The following LCORL variants were observed in gnomAD, a reference collection of about 807,000 sequenced individuals.
LCORL encodes ligand dependent nuclear receptor corepressor like.
In LCORL, 41 loss-of-function variants were observed where a neutral mutation model predicts 141.8. That is an observed-to-expected ratio of 0.29 (90% CI 0.23 to 0.38). LCORL has a LOEUF of 0.38. Ranked by LOEUF, LCORL falls within the 10% of genes least tolerant of loss-of-function variation. The pLI, the probability that LCORL is intolerant of heterozygous loss-of-function variation, is 1.00. For missense variants in LCORL, 1,759 were observed against 2,035.0 expected (o/e 0.86, Z 2.61); for synonymous variants, 618 against 694.1 (o/e 0.89, Z 1.72).
chr4:17,946,764 T>G (rs1309313178), intron 4 of LCORL, among the ~76,000 whole-genome samples: 1 of 151,994 alleles, frequency 6.6e-6, no homozygotes, highest in African/African-American at 2.4e-5. Flanking sequence ...TACATCATTG[T>G]GTATTAGGAA....
At chr4:17,876,664 T>C (rs1230692105) in exon 7 of LCORL, 1 of 1,230,690 alleles carries the variant, frequency 8.1e-7, no homozygotes, top group East Asian at 3.2e-5. Context: ...GGAGGCACAA[T>C]ATTTCGTTTA....
intron 1 of LCORL, among the ~76,000 whole-genome samples, chr4:17,975,601 GGCC>G (rs1450924302): frequency 1.3e-5 from 2 of 152,028 alleles, no homozygotes; most frequent in African/African-American, 4.8e-5. Flanking sequence ...TCACCATGTT[GGCC>G]AGGCTGGTCT....
chr4:17,970,548 A>G (rs1446758581), intron 2 of LCORL, among the ~76,000 whole-genome samples: 4 of 152,200 alleles, frequency 2.6e-5, no homozygotes, highest in South Asian at 2.1e-4. Flanking sequence ...GAAATAGAAC[A>G]TAACAGCTGC....
At chr4:17,949,635 T>C (rs1035381086) in intron 4 of LCORL, among the ~76,000 whole-genome samples, 1 of 152,178 alleles carries the variant, frequency 6.6e-6, no homozygotes, top group Non-Finnish European at 1.5e-5. Flanking sequence ...AAAGCCTGTA[T>C]TGGAAACAAT....
chr4:17,908,044 T>C lies in LCORL; in HGVS notation c.682+1050A>G, dbSNP rs917200749. Among the ~76,000 whole-genome samples the C allele has an allele frequency of 3.2e-4, 48 of 152,166 alleles. 1 individual carries two copies. The highest frequency in any genetic ancestry group is 3.2e-3 in the Middle Eastern group (1 of 316). On this transcript the variant is annotated intron_variant, in intron 5 of 7. Coordinates refer to ENST00000635767, the Ensembl canonical transcript of LCORL. ...CACTAACTAGTATATTCTTCTTTTT[T>C]TTTAAGAGACAGAGTTTCGCTCTTG...
At chr4:17,891,124 GTACT>G (rs1321026360) in intron 5 of LCORL, among the ~76,000 whole-genome samples, 2 of 152,074 alleles carry the variant, frequency 1.3e-5, no homozygotes, top group Admixed American at 1.3e-4. Flanking sequence ...TTTCTATAGT[GTACT>G]TAAAGTGTGC....
At chr4:17,994,159 T>C (rs1720519378) in intron 1 of LCORL, among the ~76,000 whole-genome samples, 1 of 152,162 alleles carries the variant, frequency 6.6e-6, no homozygotes, top group South Asian at 2.1e-4. Flanking sequence ...ATTTCCTAAT[T>C]AAATTAATTA....
At chr4:17,964,433 A>T (rs1714452320) in intron 2 of LCORL, among the ~76,000 whole-genome samples, 1 of 152,162 alleles carries the variant, frequency 6.6e-6, no homozygotes, top group African/African-American at 2.4e-5. Flanking sequence ...TAAACAAGAC[A>T]GAATTACCAG....
intron 7 of LCORL, among the ~76,000 whole-genome samples, chr4:17,862,020 G>T (rs758456194): frequency 2.6e-5 from 4 of 152,138 alleles, no homozygotes; most frequent in African/African-American, 7.2e-5. Flanking sequence ...ACATTTTTCT[G>T]TCTTCTTCTG....
chr4:17,972,781 T>A, intron 2 of LCORL, 39 bp downstream of exon 2: 1 of 1,025,556 alleles, frequency 9.8e-7, no homozygotes, highest in Non-Finnish European at 1.3e-6. Context: ...TTAAATAGGA[T>A]GGGAAATGAC....
At chr4:17,920,813 G>C (rs907043060) in intron 4 of LCORL, among the ~76,000 whole-genome samples, 1 of 152,158 alleles carries the variant, frequency 6.6e-6, no homozygotes, top group Non-Finnish European at 1.5e-5. Flanking sequence ...ATCTGTTAAA[G>C]TTTAAACATG....
intron 7 of LCORL, 140 bp from the exon 8 acceptor site, chr4:17,846,041 C>G: frequency 3.1e-6 from 2 of 652,586 alleles, no homozygotes; most frequent in Non-Finnish European, 5.3e-6. Context: ...GAAAATACAA[C>G]AGTTTTCTCT....
intron 5 of LCORL, chr4:17,893,620 C>A: frequency 1.0e-6 from 1 of 984,166 alleles, no homozygotes; most frequent in Non-Finnish European, 1.2e-6. Context: ...TTATTTTCTT[C>A]ATTTTCTTAT....
chr4:17,901,283 A>C (rs1730825168), intron 5 of LCORL, among the ~76,000 whole-genome samples: 1 of 152,092 alleles, frequency 6.6e-6, no homozygotes, highest in Non-Finnish European at 1.5e-5. Flanking sequence ...GTTACCTATA[A>C]GGAAAAGACT....
At chr4:17,950,518 T>C (rs1247865395) in intron 4 of LCORL, among the ~76,000 whole-genome samples, 1 of 152,200 alleles carries the variant, frequency 6.6e-6, no homozygotes, top group Non-Finnish European at 1.5e-5. Context: ...AAAAGAGTTT[T>C]CATAAGATGA....
At chr4:17,953,541 A>G (rs890734132) in intron 4 of LCORL, among the ~76,000 whole-genome samples, 1 of 152,228 alleles carries the variant, frequency 6.6e-6, no homozygotes, top group African/African-American at 2.4e-5. Flanking sequence ...TGATCCCTAG[A>G]ACACCTTAGA....
At chr4:17,858,427 T>C (rs1421474088) in intron 7 of LCORL, among the ~76,000 whole-genome samples, 1 of 151,440 alleles carries the variant, frequency 6.6e-6, no homozygotes. Flanking sequence ...GGGACAGAAA[T>C]ACATTTAAAG....
intron 4 of LCORL, among the ~76,000 whole-genome samples, chr4:17,939,257 G>A (rs1301989647): frequency 6.6e-6 from 1 of 152,150 alleles, no homozygotes; most frequent in Non-Finnish European, 1.5e-5. Flanking sequence ...AGAACAGCTA[G>A]TAACGGAATG....
At position 17,843,355 on chromosome 4, in the gene LCORL, G is replaced by A. The variant is rs757772284; in HGVS notation, c.*2533C>T. 20 of 1,611,900 alleles carry A rather than the reference G, an allele frequency of 1.2e-5. No homozygotes were observed. The highest frequency in any genetic ancestry group is 3.3e-5 in the South Asian group (3 of 90,996). The stretch of plus-strand genomic sequence containing the variant: ...GAAATGAAGATGAGACTACCAAGAC[G>A]AGCCAAAACCGCAGCACTAGAAAAA... On this transcript the variant is annotated 3_prime_UTR_variant, in exon 8 of 8. Transcript: ENST00000635767.
Sources: gnomAD v4.1 joint callset for allele counts (sites outside exome capture counted in the v4.1 genomes callset) on GRCh38, gnomAD v4.1.1 for gene constraint, MANE v1.5 for transcripts, NCBI Gene and HGNC (gene_info 2026-07-23, HGNC 2026-07-21) for gene names.